The following NFE2L3 variants were observed in gnomAD, a reference collection of about 807,000 sequenced individuals.
NFE2L3 encodes the protein NFE2 like bZIP transcription factor 3, also known as nuclear factor erythroid 2-related factor 3.
In NFE2L3, 18 loss-of-function variants were observed where a neutral mutation model predicts 23.5. The ratio of observed to expected loss-of-function variants is 0.77; its 90% CI spans 0.53 to 1.13. The LOEUF is 1.13. NFE2L3 is among the 50% of genes most tolerant of loss of function. NFE2L3 has a pLI of 0.00. For synonymous variants in NFE2L3, 424 were observed against 354.5 expected (o/e 1.20, Z -2.20); for missense variants, 1,152 against 877.2 (o/e 1.31, Z -3.96).
At position 26,184,516 on chromosome 7, in the gene NFE2L3, T is replaced by C; in HGVS notation, c.835-17T>C. ...TAGGGCTATTCATGTTTGAAGTGTT[T>C]CTCCTTCGTTTTTCAGGGCATCTCA... On this transcript the variant is annotated splice_polypyrimidine_tract_variant and intron_variant, in intron 3 of 3. Transcript: ENST00000056233. 1 of 1,591,870 alleles carries C rather than the reference T, an allele frequency of 6.3e-7. No individual in the cohort carries two copies.
intron 1 of NFE2L3, among the ~76,000 whole-genome samples, chr7:26,153,358 G>A (rs949019183): frequency 6.6e-6 from 1 of 152,202 alleles, no homozygotes; most frequent in Non-Finnish European, 1.5e-5. Context: ...GGGATGGGGA[G>A]GGGAGAAGCA....
chr7:26,159,269 G>C (rs900667775), intron 1 of NFE2L3, among the ~76,000 whole-genome samples: 5 of 152,106 alleles, frequency 3.3e-5, no homozygotes, highest in Non-Finnish European at 2.9e-5. Context: ...CCTTTAGTCT[G>C]TTCTTACCTT....
At chr7:26,158,547 G>A (rs185512246) in intron 1 of NFE2L3, among the ~76,000 whole-genome samples, 2 of 152,370 alleles carry the variant, frequency 1.3e-5, no homozygotes, top group East Asian at 3.9e-4. Context: ...GTGTGCTCCT[G>A]AGAAAATCTG....
chr7:26,163,677 T>G (rs1319670984), intron 1 of NFE2L3, among the ~76,000 whole-genome samples: 1 of 152,184 alleles, frequency 6.6e-6, no homozygotes, highest in Non-Finnish European at 1.5e-5. Context: ...TTTATTATAC[T>G]TTAAGTTTTA....
chr7:26,178,523 C>T (rs1009872307), intron 2 of NFE2L3, among the ~76,000 whole-genome samples: 3 of 152,202 alleles, frequency 2.0e-5, no homozygotes, highest in African/African-American at 7.2e-5. Flanking sequence ...GCCAATCACC[C>T]ATGATGTCAG....
At chr7:26,180,575 CTGTT>C (rs1043422842) in intron 2 of NFE2L3, among the ~76,000 whole-genome samples, 2 of 152,178 alleles carry the variant, frequency 1.3e-5, no homozygotes, top group African/African-American at 2.4e-5. Flanking sequence ...ATTCACAGCT[CTGTT>C]TGAGGGAAAA....
chr7:26,152,794 G>A lies in NFE2L3; in HGVS notation c.296G>A (p.Gly99Glu). The A allele has an allele frequency of 6.7e-7, 1 of 1,486,662 alleles. No homozygotes were observed. The highest frequency in any genetic ancestry group is 8.9e-7 in the Non-Finnish European group (1 of 1,126,116). The allele number at this position is 1,486,662 out of a possible 1,614,324, so 92.1% of individuals were successfully genotyped here. The part of the protein sequence containing the change: ...GQLLREVRAL[G>E]VPFVPRTSVD... ...CTGCTCCGGGAGGTGCGCGCGCTCG[G>A]GGTCCCCTTCGTCCCTCGCACCAGC... Residue 99 changes from glycine to glutamate, a missense_variant, in exon 1 of 4, where the codon GGG becomes GAG. By Grantham distance (98) the Gly-to-Glu change is moderately conservative. Transcript: ENST00000056233. This position sits in a 1 kb window ranked among gnomAD's most constrained non-coding sequence, Gnocchi z 4.4.
chr7:26,166,640 G>A (rs551114355), intron 1 of NFE2L3, among the ~76,000 whole-genome samples: 1 of 152,234 alleles, frequency 6.6e-6, no homozygotes, highest in Non-Finnish European at 1.5e-5. Context: ...TGTACATAGG[G>A]CCTGGCCTAC....
chr7:26,176,458 A>G (rs1393755105), intron 1 of NFE2L3, among the ~76,000 whole-genome samples: 3 of 151,690 alleles, frequency 2.0e-5, no homozygotes, highest in Non-Finnish European at 4.4e-5. Context: ...GGCGCTCCTC[A>G]CTTCCCAGAC....
chr7:26,155,742 C>T (rs1056967054), intron 1 of NFE2L3, among the ~76,000 whole-genome samples: 4 of 152,136 alleles, frequency 2.6e-5, no homozygotes, highest in African/African-American at 7.2e-5. Flanking sequence ...AGAAAATGGG[C>T]TGGAAAAACA....
At chr7:26,179,347 A>C (rs1431796532) in intron 2 of NFE2L3, among the ~76,000 whole-genome samples, 1 of 152,016 alleles carries the variant, frequency 6.6e-6, no homozygotes, top group Admixed American at 6.6e-5. Context: ...CAAAAATTAC[A>C]AAAATTAGTT....
intron 1 of NFE2L3, among the ~76,000 whole-genome samples, chr7:26,167,093 CT>C (rs1404724740): frequency 6.6e-6 from 1 of 152,224 alleles, no homozygotes; most frequent in Non-Finnish European, 1.5e-5. Context: ...AAAAGGCCAG[CT>C]TTGCTCCTTT....
At chr7:26,176,064 T>C (rs2128099274) in intron 1 of NFE2L3, among the ~76,000 whole-genome samples, 1 of 151,874 alleles carries the variant, frequency 6.6e-6, no homozygotes, top group Middle Eastern at 3.4e-3. Context: ...TGATGACTCT[T>C]AATGAGCATG....
Position 26,184,853 on chromosome 7 carries a change from C to G in NFE2L3, c.1155C>G (p.Asp385Glu). The change falls in exon 4 of 4, where the codon GAC (aspartate) becomes GAG (glutamate). Residue 385 changes from aspartate to glutamate, a missense_variant. By Grantham distance (45) the Asp-to-Glu change is conservative (BLOSUM62 2). Coordinates refer to ENST00000056233, the MANE Select transcript of NFE2L3 (RefSeq NM_004289.7). Reference protein sequence around the residue: ...LTSQDLLYDLDINIFDEINLM... With the variant: ...LTSQDLLYDLEINIFDEINLM... ...GCCAAGACCTACTGTATGACCTTGA[C>G]ATAAATATATTTGATGAGATAAACT... is the stretch of plus-strand genomic sequence containing the variant. The G allele has an allele frequency of 6.2e-7, 1 of 1,613,920 alleles. No homozygotes were observed. Among genetic ancestry groups the G allele is most frequent in the Non-Finnish European group, 8.5e-7 (1 of 1,179,830 alleles).
intron 1 of NFE2L3, among the ~76,000 whole-genome samples, chr7:26,167,494 A>T (rs10951126): frequency 0.069 from 10,456 of 152,026 alleles, 809 homozygotes; most frequent in East Asian, 0.36. Flanking sequence ...TCACAAGTTT[A>T]CGATAGCTTC....
intron 3 of NFE2L3, 84 bp from the exon 4 acceptor site, chr7:26,184,449 G>A (rs1782427499): frequency 1.6e-6 from 2 of 1,261,982 alleles, no homozygotes; most frequent in Non-Finnish European, 2.2e-6. Flanking sequence ...ATTGACAAAA[G>A]AGGGGAAAGA....
In NFE2L3 at chr7:26,185,555, T is replaced by A; in HGVS notation, c.1857T>A (p.Thr619=). Reference sequence around the variant, plus strand: ...GTAACTTGCAAGCAAAGAAGGAAACTCTTAAGAGAGAGCAAGCACAATGTA... The same window carrying A: ...GTAACTTGCAAGCAAAGAAGGAAACACTTAAGAGAGAGCAAGCACAATGTA... ...DVCNLQAKKE[T]LKREQAQCNK... is the part of the protein sequence containing the mutation. Residue 619 remains threonine, a synonymous_variant, in exon 4 of 4, where the codon ACT becomes ACA. Transcript: ENST00000056233. The A allele has an allele frequency of 6.2e-7, 1 of 1,613,840 alleles. No homozygotes were observed. Among genetic ancestry groups the A allele is most frequent in the Non-Finnish European group, 8.5e-7 (1 of 1,179,788 alleles).
At chr7:26,175,683 G>T (rs1417196921) in intron 1 of NFE2L3, among the ~76,000 whole-genome samples, 6 of 150,020 alleles carry the variant, frequency 4.0e-5, no homozygotes, top group African/African-American at 1.2e-4. Context: ...GGAGGCTGAG[G>T]CAGGAGAATG....
At chr7:26,184,467 T>G (rs1346617390) in intron 3 of NFE2L3, 66 bp from the exon 4 acceptor site, 1 of 1,413,952 alleles carries the variant, frequency 7.1e-7, no homozygotes, top group East Asian at 2.3e-5. Context: ...AGAAAGTTGT[T>G]AGGTAATAGA....
Sources: gnomAD v4.1 joint callset for allele counts (sites outside exome capture counted in the v4.1 genomes callset) on GRCh38, gnomAD v4.1.1 for gene constraint, Gnocchi (gnomAD v3.1) non-coding constraint, MANE v1.5 for transcripts, NCBI Gene and HGNC (gene_info 2026-07-23, HGNC 2026-07-21) for gene names.